TLN2: variants seen among roughly 807,000 people sequenced by gnomAD.
The protein encoded by TLN2 is talin 2, also known as talin-2.
A neutral mutation model predicts 294.7 loss-of-function variants in TLN2; 118 were observed. The observed-to-expected ratio is 0.40, with a 90% confidence interval of 0.34 to 0.47. The LOEUF (loss-of-function observed/expected upper bound fraction) is 0.47. Ranked by LOEUF, TLN2 falls within the 20% of genes least tolerant of loss-of-function variation. The pLI is 0.84. For missense variants in TLN2, 3,083 were observed against 3,282.2 expected, an observed-to-expected ratio of 0.94 and a Z score of 1.48; for synonymous variants, 1,431 against 1,304.5, an observed-to-expected ratio of 1.10 and a Z score of -2.09.
intron 42 of TLN2, 58 bp from the exon 43 acceptor site, chr15:62,776,706 A>G (rs1046223659): frequency 1.5e-6 from 2 of 1,358,312 alleles, no homozygotes; most frequent in South Asian, 2.1e-5. Flanking sequence ...GGTTATTCTT[A>G]GAAGACTGAG....
chr15:62,659,238 G>A (rs1384094906), intron 9 of TLN2, among the ~76,000 whole-genome samples: 1 of 152,186 alleles, frequency 6.6e-6, no homozygotes, highest in African/African-American at 2.4e-5. Flanking sequence ...GCAGCAGAGA[G>A]AGAAGTGGCT....
At chr15:62,421,931 T>C (rs1257747278) in intron 1 of TLN2, among the ~76,000 whole-genome samples, 1 of 152,002 alleles carries the variant, frequency 6.6e-6, no homozygotes, top group African/African-American at 2.4e-5. Flanking sequence ...TATTACTGCA[T>C]TGGATAAGAT....
At position 62,792,729 on chromosome 15, in the gene TLN2, C is replaced by A; in HGVS notation, c.5825C>A (p.Pro1942His). ...VQKAGALQVC[P>H]TDSYTKRELI... The stretch of plus-strand genomic sequence containing the variant: ...AAGGCAGGGGCCCTCCAGGTCTGCC[C>A]CACAGACAGCTACACCAAGAGGGAG... The change falls in exon 46 of 59, where the codon CCC (proline) becomes CAC (histidine). Residue 1942 changes from proline to histidine, a missense_variant. Transcript: ENST00000636159. 6.2e-7 allele frequency: 1 copy of A among 1,614,014 alleles called. No homozygotes were observed. Among genetic ancestry groups the A allele is most frequent in the Non-Finnish European group, 8.5e-7 (1 of 1,180,026 alleles).
At chr15:62,669,430 CTT>C (rs1254078904) in intron 9 of TLN2, among the ~76,000 whole-genome samples, 2 of 152,178 alleles carry the variant, frequency 1.3e-5, no homozygotes, top group Non-Finnish European at 2.9e-5. Flanking sequence ...AGTGTACTAA[CTT>C]TACTGGAATA....
chr15:62,430,580 A>G (rs2034959475), intron 1 of TLN2, among the ~76,000 whole-genome samples: 1 of 152,160 alleles, frequency 6.6e-6, no homozygotes, highest in Admixed American at 6.5e-5. Flanking sequence ...GGTGACTTTA[A>G]TACTTTAATT....
chr15:62,667,485 T>C (rs2054855661), intron 9 of TLN2, among the ~76,000 whole-genome samples: 1 of 152,214 alleles, frequency 6.6e-6, no homozygotes, highest in Admixed American at 6.5e-5. Flanking sequence ...TACCCTGTGC[T>C]GAGTGGATAC....
At chr15:62,628,676 C>G (rs561628684) in intron 3 of TLN2, among the ~76,000 whole-genome samples, 1 of 152,126 alleles carries the variant, frequency 6.6e-6, no homozygotes, top group Non-Finnish European at 1.5e-5. Flanking sequence ...AATGAGATCA[C>G]GCACTGGAGC....
At chr15:62,720,648 GGT>G (rs5813167) in intron 25 of TLN2, among the ~76,000 whole-genome samples, 43,398 of 148,928 alleles carry the variant, frequency 0.29, 6,634 homozygotes, top group East Asian at 0.62. Flanking sequence ...ATACAACACA[GGT>G]GTGTGTGTGT....
In TLN2 at chr15:62,740,786, A is replaced by T. The variant is rs573941761; in HGVS notation, c.4025+17A>T. 4 of 1,613,878 alleles carry T rather than the reference A, an allele frequency of 2.5e-6. No individual in the cohort carries two copies. The highest frequency in any genetic ancestry group is 3.4e-6 in the Non-Finnish European group (4 of 1,179,992). On this transcript the variant is annotated intron_variant, in intron 32 of 58. Coordinates refer to ENST00000636159, the MANE Select transcript of TLN2 (RefSeq NM_015059.3). ...AGCTGCAAGGTAGGAGTGGGACACA[A>T]TGTGCTTTCGTGTGTGGTTAGACAG... is the stretch of plus-strand genomic sequence containing the variant.
intron 4 of TLN2, among the ~76,000 whole-genome samples, chr15:62,648,547 T>TGACGA (rs1219159192): frequency 5.2e-4 from 69 of 131,812 alleles, no homozygotes; most frequent in Middle Eastern, 3.6e-3. Flanking sequence ...TGATGACGAT[T>TGACGA]TTTTTTTTTT....
intron 24 of TLN2, among the ~76,000 whole-genome samples, chr15:62,719,306 G>T (rs147560160): frequency 1.3e-5 from 2 of 152,184 alleles, no homozygotes; most frequent in African/African-American, 2.4e-5. Context: ...ACACAAAGGC[G>T]CAGAATGTGT....
chr15:62,646,971 C>A (rs1445246976), intron 3 of TLN2, among the ~76,000 whole-genome samples: 1 of 152,166 alleles, frequency 6.6e-6, no homozygotes, highest in African/African-American at 2.4e-5. Flanking sequence ...CTCTCAGAAA[C>A]CCCAAGGAGG....
At position 62,492,084 on chromosome 15, in the gene TLN2, A is replaced by G. The variant is rs528772993; in HGVS notation, c.-237-97603A>G. On this transcript the variant is annotated intron_variant, in intron 1 of 58. Coordinates refer to ENST00000636159, the MANE Select transcript of TLN2 (RefSeq NM_015059.3). ...TGAGTAAGCTAAGTTATTCAGATGT[A>G]TTTTGATAACTTATTTATTATATAA... 3.3e-5 allele frequency among the ~76,000 whole-genome samples: 5 copies of G among 152,172 alleles called. 1 individual carries two copies. The South Asian group carries it at 1.0e-3, about 32-fold the overall frequency.
At chr15:62,617,059 A>G (rs754761920) in intron 2 of TLN2, among the ~76,000 whole-genome samples, 2 of 152,082 alleles carry the variant, frequency 1.3e-5, no homozygotes, top group Non-Finnish European at 2.9e-5. Flanking sequence ...TCTGTAAAAC[A>G]TCCCTGTTGG....
chr15:62,588,693 TATATATATATATATGAA>T (rs2045849373), intron 1 of TLN2, among the ~76,000 whole-genome samples: 1 of 126,768 alleles, frequency 7.9e-6, no homozygotes, highest in East Asian at 2.1e-4. Context: ...TATATATATA[TATATATATATATATGAA>T]ATATACATAT....
intron 9 of TLN2, among the ~76,000 whole-genome samples, chr15:62,672,782 G>T (rs770598004): frequency 2.0e-5 from 3 of 152,008 alleles, no homozygotes; most frequent in Admixed American, 6.5e-5. Context: ...ACCGGGGTTG[G>T]GGGGTGGTGT....
At chr15:62,840,342 G>A (rs552567162) in intron 58 of TLN2, 140 bp from the exon 59 acceptor site, 32 of 1,264,788 alleles carry the variant, frequency 2.5e-5, no homozygotes, top group Middle Eastern at 2.5e-4. Context: ...GAGGCTGGTC[G>A]CCAGAGCTAA....
Position 62,722,461 on chromosome 15 carries a change from G to A in TLN2, c.3100G>A (p.Ala1034Thr). Residue 1034 changes from alanine to threonine, a missense_variant, in exon 26 of 59, where the codon GCG becomes ACG. By Grantham distance (58) the Ala-to-Thr change is moderately conservative (BLOSUM62 0). Transcript: ENST00000636159. ...TGCCAAGAACCTGGCCACCAGCTTG[G>A]CGGAGCTGCGTACCGCCTCGCAGAA... ...QCAKNLATSL[A>T]ELRTASQKAH... 1.9e-6 allele frequency: 3 copies of A among 1,612,182 alleles called. No homozygotes were observed. The highest frequency in any genetic ancestry group is 2.5e-6 in the Non-Finnish European group (3 of 1,179,442).
At chr15:62,584,230 A>G (rs1043584264) in intron 1 of TLN2, among the ~76,000 whole-genome samples, 1 of 152,250 alleles carries the variant, frequency 6.6e-6, no homozygotes, top group Non-Finnish European at 1.5e-5. Context: ...CTCATAATCA[A>G]CATGAGCAAG....
Sources: gnomAD v4.1 joint callset for allele counts (sites outside exome capture counted in the v4.1 genomes callset) on GRCh38, gnomAD v4.1.1 for gene constraint, MANE v1.5 for transcripts, NCBI Gene and HGNC (gene_info 2026-07-23, HGNC 2026-07-21) for gene names.